The following MTMR10 variants were observed in gnomAD, a reference collection of about 807,000 sequenced individuals.
MTMR10 encodes the protein myotubularin-related protein 10.
A neutral mutation model predicts 88.1 loss-of-function variants in MTMR10; 56 were observed. The observed-to-expected ratio is 0.64, with a 90% CI of 0.51 to 0.79. The LOEUF (loss-of-function observed/expected upper bound fraction) is 0.79, where lower values mean the gene tolerates loss of function less well. MTMR10 is among the 30% of genes least tolerant of loss of function. The pLI is 0.00. For missense variants in MTMR10, 883 were observed against 924.7 expected, an observed-to-expected ratio of 0.95 and a Z score of 0.58; for synonymous variants, 380 against 340.9, an observed-to-expected ratio of 1.11 and a Z score of -1.26.
chr15:30,928,370 C>T, the MTMR10 span: 4 of 1,419,948 alleles, frequency 2.8e-6, no homozygotes, highest in African/African-American at 1.4e-5. Context: ...ATATAAACAA[C>T]ATACTGTATA....
chr15:30,922,117 T>G, the MTMR10 span: 2 of 1,324,730 alleles, frequency 1.5e-6, no homozygotes, highest in Non-Finnish European at 2.1e-6. Flanking sequence ...TTGGCCTCAT[T>G]GTAGAATGGA....
the MTMR10 span, among the ~76,000 whole-genome samples, chr15:30,921,795 G>T: frequency 6.6e-6 from 1 of 152,180 alleles, no homozygotes; most frequent in African/African-American, 2.4e-5. Context: ...TTGAGGTAGG[G>T]TGTTTGTATG....
the MTMR10 span, among the ~76,000 whole-genome samples, chr15:30,932,712 TTTTC>T: frequency 1.1e-5 from 1 of 93,758 alleles, no homozygotes; most frequent in Non-Finnish European, 2.1e-5. Context: ...TATTTGTTTC[TTTTC>T]TTTTTTTTTT....
intron 6 of MTMR10, among the ~76,000 whole-genome samples, chr15:30,965,205 A>G (rs1414742674): frequency 6.6e-6 from 1 of 152,246 alleles, no homozygotes; most frequent in East Asian, 1.9e-4. Context: ...CAAAGTTTAA[A>G]AATTCCTATA....
chr15:30,958,282 G>C (rs1242379190), intron 9 of MTMR10, among the ~76,000 whole-genome samples: 1 of 152,258 alleles, frequency 6.6e-6, no homozygotes, highest in African/African-American at 2.4e-5. Flanking sequence ...AAGGCACGGA[G>C]TGCCAGTGAG....
At chr15:30,952,894 A>G (rs1305548515) in intron 11 of MTMR10, among the ~76,000 whole-genome samples, 1 of 151,910 alleles carries the variant, frequency 6.6e-6, no homozygotes, top group Admixed American at 6.6e-5. Context: ...GGTTCAAGTG[A>G]TTCTCCTGCC....
downstream of MTMR10, among the ~76,000 whole-genome samples, chr15:30,934,868 C>A (rs909304176): frequency 3.3e-5 from 5 of 152,180 alleles, no homozygotes; most frequent in African/African-American, 7.2e-5. Context: ...GTGGTGTTTT[C>A]ATATATTTTA....
chr15:30,937,399 C>CA, downstream of MTMR10: 2 of 712,018 alleles, frequency 2.8e-6, no homozygotes, highest in Non-Finnish European at 4.4e-6. Flanking sequence ...TATCACAAAA[C>CA]AGTGTTTGCT....
the MTMR10 span, among the ~76,000 whole-genome samples, chr15:30,931,933 C>T: frequency 6.7e-6 from 1 of 148,370 alleles, no homozygotes; most frequent in South Asian, 2.1e-4. Flanking sequence ...AAAAAAAAAG[C>T]CAGCTGAGGC....
chr15:30,991,380 G>T, intron 1 of MTMR10, 67 bp downstream of exon 1: 1 of 1,372,048 alleles, frequency 7.3e-7, no homozygotes, highest in East Asian at 2.8e-5. Flanking sequence ...CAGTTCCCGG[G>T]GGTCGGCCTG....
chr15:30,950,194 C>A (rs1307439826), intron 12 of MTMR10: 2 of 152,108 alleles, frequency 1.3e-5, no homozygotes, highest in Non-Finnish European at 2.9e-5. Context: ...GATGAGAACA[C>A]CCACTGGATG....
At chr15:30,933,631 A>G in the MTMR10 span, among the ~76,000 whole-genome samples, 1 of 152,208 alleles carries the variant, frequency 6.6e-6, no homozygotes, top group East Asian at 1.9e-4. Context: ...AATGTCAATT[A>G]GGTCAAGTTG....
chr15:30,927,040 G>C, the MTMR10 span: 1 of 984,432 alleles, frequency 1.0e-6, no homozygotes. Flanking sequence ...AACCAGGCAC[G>C]GTAGCTTACA....
the MTMR10 span, chr15:30,930,806 TC>T: frequency 9.1e-7 from 1 of 1,100,932 alleles, no homozygotes; most frequent in Non-Finnish European, 1.4e-6. Flanking sequence ...GGGCCTGGGT[TC>T]CTGTGGGCCT....
intron 2 of MTMR10, among the ~76,000 whole-genome samples, chr15:30,978,555 C>A (rs16956422): frequency 0.054 from 8,287 of 152,224 alleles, 325 homozygotes; most frequent in Admixed American, 0.13. Flanking sequence ...AGAAGAGTCA[C>A]AGAACTGCCA....
intron 14 of MTMR10, among the ~76,000 whole-genome samples, chr15:30,946,040 C>T (rs1595910204): frequency 6.6e-6 from 1 of 152,340 alleles, no homozygotes; most frequent in South Asian, 2.1e-4. Flanking sequence ...GCTGGACAAT[C>T]TCTCCTGCCT....
chr15:30,981,217 C>T (rs892594918), intron 2 of MTMR10, among the ~76,000 whole-genome samples: 7 of 152,204 alleles, frequency 4.6e-5, no homozygotes, highest in African/African-American at 1.2e-4. Flanking sequence ...CCCATAAATT[C>T]GTGATTCTCC....
intron 14 of MTMR10, chr15:30,946,807 CTTT>C (rs1475092377): frequency 1.4e-6 from 1 of 695,332 alleles, no homozygotes; most frequent in African/African-American, 1.8e-5. Context: ...TGTAACAGGG[CTTT>C]TGTTTTTTAC....
chr15:30,980,435 T>C (rs2030490962), intron 2 of MTMR10, among the ~76,000 whole-genome samples: 1 of 152,312 alleles, frequency 6.6e-6, no homozygotes, highest in Non-Finnish European at 1.5e-5. Context: ...GAGTTTGAGA[T>C]AGCAGAATGA....
Sources: gnomAD v4.1 joint callset for allele counts (sites outside exome capture counted in the v4.1 genomes callset) on GRCh38, gnomAD v4.1.1 for gene constraint, MANE v1.5 for transcripts, NCBI Gene and HGNC (gene_info 2026-07-23, HGNC 2026-07-21) for gene names.